Variants in MYT1L observed in about 807,000 individuals in gnomAD.
MYT1L encodes myelin transcription factor 1 like.
MYT1L carries 12 observed loss-of-function variants against 126.7 expected under a neutral mutation model. The observed-to-expected ratio is 0.09, with a 90% CI of 0.06 to 0.15. MYT1L has a LOEUF of 0.15. Among genes scored for constraint, MYT1L ranks in the 10% least tolerant of loss-of-function variants. MYT1L has a pLI of 1.00. For synonymous variants in MYT1L, 541 were observed against 604.2 expected (o/e 0.90, Z 1.53); for missense variants, 979 against 1,585.2 (o/e 0.62, Z 6.49).
intron 3 of MYT1L, among the ~76,000 whole-genome samples, chr2:2,083,759 G>C (rs1300217347): frequency 6.6e-6 from 1 of 152,174 alleles, no homozygotes; most frequent in Non-Finnish European, 1.5e-5. Context: ...AGGGGAGGGA[G>C]ACCACTCCAT....
rs546237521 is a variant in MYT1L, at chr2:1,994,672, A to G, written c.-1+2519T>C. Among the ~76,000 whole-genome samples the G allele has an allele frequency of 1.2e-3, 182 of 152,350 alleles. 2 individuals carry two copies. Among genetic ancestry groups the G allele is most frequent in the Non-Finnish European group, 3.7e-4 (25 of 68,032 alleles). On this transcript the variant is annotated intron_variant, in intron 5 of 24. Transcript: ENST00000647738. ...ACAGTGTTCTGTATTGCTGATCTATAGGGCTGTTCTGAGACTACATCTGGT... is the reference window on the plus strand; with the variant it reads ...ACAGTGTTCTGTATTGCTGATCTATGGGGCTGTTCTGAGACTACATCTGGT...
intron 8 of MYT1L, among the ~76,000 whole-genome samples, chr2:1,961,068 T>C (rs1016906041): frequency 3.9e-5 from 6 of 152,234 alleles, no homozygotes; most frequent in Admixed American, 2.0e-4. Context: ...GCGGAATACA[T>C]TTTTAGCAAT....
chr2:1,966,470 T>C (rs1034321614), intron 8 of MYT1L, among the ~76,000 whole-genome samples: 8 of 152,206 alleles, frequency 5.3e-5, no homozygotes, highest in Non-Finnish European at 7.3e-5. Flanking sequence ...TAAACAGGTC[T>C]GATCTTCCTG....
intron 21 of MYT1L, among the ~76,000 whole-genome samples, chr2:1,817,665 G>A (rs1028695678): frequency 1.3e-5 from 2 of 152,168 alleles, no homozygotes; most frequent in African/African-American, 4.8e-5. Context: ...CTGGGGGGTG[G>A]TGGCGGCCCT....
At chr2:2,200,744 C>T (rs1210543613) in intron 2 of MYT1L, among the ~76,000 whole-genome samples, 2 of 152,188 alleles carry the variant, frequency 1.3e-5, no homozygotes, top group Admixed American at 1.3e-4. Flanking sequence ...GGGAGTTTCT[C>T]GAATGCCAGC....
intron 3 of MYT1L, among the ~76,000 whole-genome samples, chr2:2,146,415 G>A (rs926582840): frequency 1.3e-5 from 2 of 152,180 alleles, no homozygotes; most frequent in South Asian, 4.1e-4. Flanking sequence ...CGATAGAAGT[G>A]AGTGTGGGTG....
chr2:2,146,290 T>G (rs776975274), intron 3 of MYT1L, among the ~76,000 whole-genome samples: 1 of 152,250 alleles, frequency 6.6e-6, no homozygotes, highest in Non-Finnish European at 1.5e-5. Flanking sequence ...ATAACTGTTC[T>G]GTCATGGAGA....
intron 11 of MYT1L, among the ~76,000 whole-genome samples, chr2:1,913,237 T>C (rs2052319438): frequency 6.6e-6 from 1 of 152,244 alleles, no homozygotes. Context: ...TTCTTACTGC[T>C]GGGCAGTCCC....
At chr2:2,094,572 C>T (rs1324474663) in intron 3 of MYT1L, among the ~76,000 whole-genome samples, 2 of 152,140 alleles carry the variant, frequency 1.3e-5, no homozygotes, top group African/African-American at 4.8e-5. Context: ...CACATATACA[C>T]CATGGAATAC....
chr2:2,300,073 A>G (rs1275817080), intron 1 of MYT1L, among the ~76,000 whole-genome samples: 1 of 152,256 alleles, frequency 6.6e-6, no homozygotes, highest in Non-Finnish European at 1.5e-5. Context: ...AGGAAAAAAC[A>G]CAAAACAAGA....
chr2:1,834,329 G>A (rs1338730522), intron 21 of MYT1L, among the ~76,000 whole-genome samples: 1 of 152,234 alleles, frequency 6.6e-6, no homozygotes, highest in Non-Finnish European at 1.5e-5. Flanking sequence ...TCCAAGGAAA[G>A]AGAAATGTCT....
intron 3 of MYT1L, among the ~76,000 whole-genome samples, chr2:2,148,272 A>G (rs978613888): frequency 3.3e-5 from 5 of 152,226 alleles, no homozygotes; most frequent in African/African-American, 1.2e-4. Flanking sequence ...GACGGGGTGG[A>G]GATGGATGGT....
At position 2,095,000 on chromosome 2, in the gene MYT1L, G is replaced by T. The variant is rs557753984; in HGVS notation, c.-303-40877C>A. Among the ~76,000 whole-genome samples the T allele has an allele frequency of 1.6e-4, 25 of 152,338 alleles. No homozygotes were observed. In the East Asian group the frequency reaches 4.4e-3, roughly 27 times the overall value. On this transcript the variant is annotated intron_variant, in intron 3 of 24. Coordinates refer to ENST00000647738, the MANE Select transcript of MYT1L (RefSeq NM_001303052.2). ...TGTCACCTGCTGCTCCTTCAAGCGA[G>T]CCGTGTCTCCAAGGAACCCAGTCCA...
intron 9 of MYT1L, among the ~76,000 whole-genome samples, chr2:1,932,910 T>C (rs1285926167): frequency 4.6e-5 from 7 of 152,040 alleles, no homozygotes; most frequent in Admixed American, 2.0e-4. Context: ...CTGGATGCCT[T>C]CTGCTGAAGC....
intron 9 of MYT1L, among the ~76,000 whole-genome samples, chr2:1,933,962 A>C (rs1212034454): frequency 2.0e-5 from 3 of 150,358 alleles, no homozygotes; most frequent in Non-Finnish European, 4.4e-5. Flanking sequence ...GCTGGGCTCT[A>C]ATTTTGATTT....
At chr2:2,179,630 C>T (rs973391598) in intron 2 of MYT1L, among the ~76,000 whole-genome samples, 4 of 152,180 alleles carry the variant, frequency 2.6e-5, no homozygotes, top group Non-Finnish European at 4.4e-5. Flanking sequence ...TGAGGAATCC[C>T]AAGTTCCACA....
intron 18 of MYT1L, among the ~76,000 whole-genome samples, chr2:1,860,231 C>T (rs983353465): frequency 2.0e-5 from 3 of 152,186 alleles, no homozygotes; most frequent in Non-Finnish European, 4.4e-5. Context: ...AGCACATGCA[C>T]GTCCAGCAGC....
intron 4 of MYT1L, among the ~76,000 whole-genome samples, chr2:2,026,433 G>C (rs954118447): frequency 2.0e-5 from 3 of 152,182 alleles, no homozygotes; most frequent in African/African-American, 7.2e-5. Context: ...AGGGATTCTA[G>C]CAGGGGTGGC....
At chr2:2,292,212 C>G (rs543858571) in intron 1 of MYT1L, among the ~76,000 whole-genome samples, 10 of 152,318 alleles carry the variant, frequency 6.6e-5, no homozygotes, top group Non-Finnish European at 1.5e-4. Flanking sequence ...GGGCCTGCAG[C>G]TCTGGGGTCC....
Sources: gnomAD v4.1 joint callset for allele counts (sites outside exome capture counted in the v4.1 genomes callset) on GRCh38, gnomAD v4.1.1 for gene constraint, MANE v1.5 for transcripts, NCBI Gene and HGNC (gene_info 2026-07-23, HGNC 2026-07-21) for gene names.